Variants in HNF1B observed in about 807,000 individuals in gnomAD.
HNF1B encodes hepatocyte nuclear factor 1-beta.
In HNF1B, 8 loss-of-function variants were observed where a neutral mutation model predicts 61.7. That is an observed-to-expected ratio of 0.13 (90% confidence interval 0.08 to 0.23). HNF1B has a LOEUF of 0.23. Among genes scored for constraint, HNF1B ranks in the 10% least tolerant of loss-of-function variants. HNF1B has a pLI of 1.00. For missense variants in HNF1B, 562 were observed against 714.5 expected, an observed-to-expected ratio of 0.79 and a Z score of 2.43; for synonymous variants, 314 against 287.7, an observed-to-expected ratio of 1.09 and a Z score of -0.93.
At chr17:37,740,172 T>C (rs1041286818) in intron 1 of HNF1B, among the ~76,000 whole-genome samples, 1 of 152,122 alleles carries the variant, frequency 6.6e-6, no homozygotes, top group African/African-American at 2.4e-5. Context: ...TTTCACCATG[T>C]TGGCCAGGCT....
intron 4 of HNF1B, among the ~76,000 whole-genome samples, chr17:37,711,263 G>A (rs1020630796): frequency 6.6e-6 from 1 of 152,226 alleles, no homozygotes; most frequent in African/African-American, 2.4e-5. Context: ...GCAGGACAGG[G>A]ATGAAGCTGC....
chr17:37,701,259 C>CA, intron 6 of HNF1B, 82 bp from the exon 7 acceptor site: 9 of 1,353,894 alleles, frequency 6.6e-6, no homozygotes, highest in Non-Finnish European at 9.2e-6. Context: ...AGCCCCCGCT[C>CA]AATGTCCCAG....
chr17:37,739,410 T>G (rs1468931277), intron 2 of HNF1B, 30 bp downstream of exon 2: 11 of 1,607,804 alleles, frequency 6.8e-6, no homozygotes, highest in Non-Finnish European at 8.5e-6. Context: ...TCACTTCAGG[T>G]TGAGGCAGAG....
chr17:37,697,424 G>A (rs192816910), intron 8 of HNF1B, among the ~76,000 whole-genome samples: 1 of 151,768 alleles, frequency 6.6e-6, no homozygotes, highest in African/African-American at 2.4e-5. Context: ...AGAAGCCAGT[G>A]GGGGGCTGGT....
In HNF1B at chr17:37,739,465, G is replaced by A. The variant is rs1308630842; in HGVS notation, c.519C>T (p.Val173=). Residue 173 remains valine (V), a synonymous_variant, in exon 2 of 9, where the codon GTC becomes GTT. Coordinates refer to ENST00000617811, the MANE Select transcript of HNF1B (RefSeq NM_000458.4). ...GTCGGAGGATCTCTCGTTGCTTTCT[G>A]ACGTACCAGGTGTACAGAGCGGCAC... ...QKRAALYTWY[V]RKQREILRQF... The A allele has an allele frequency of 1.2e-6, 2 of 1,614,170 alleles. No homozygotes were observed. The highest frequency in any genetic ancestry group is 1.7e-5 in the Admixed American group (1 of 60,032).
intron 1 of HNF1B, among the ~76,000 whole-genome samples, chr17:37,743,999 G>A (rs1007050459): frequency 1.3e-5 from 2 of 152,258 alleles, no homozygotes; most frequent in African/African-American, 2.4e-5. Context: ...CGGCTAACAA[G>A]AGTGCCCACC....
At chr17:37,687,829 C>T (rs368368323) in intron 8 of HNF1B, among the ~76,000 whole-genome samples, 6 of 152,258 alleles carry the variant, frequency 3.9e-5, no homozygotes, top group East Asian at 1.9e-4. Flanking sequence ...CGAACTTTAA[C>T]GGACCCACAA....
intron 4 of HNF1B, among the ~76,000 whole-genome samples, chr17:37,722,057 T>C (rs2033336779): frequency 6.6e-6 from 1 of 152,198 alleles, no homozygotes; most frequent in Non-Finnish European, 1.5e-5. Flanking sequence ...CCATGTCTAT[T>C]TTTAATGAGC....
chr17:37,743,855 G>C (rs1239494304), intron 1 of HNF1B, among the ~76,000 whole-genome samples: 1 of 152,224 alleles, frequency 6.6e-6, no homozygotes, highest in Non-Finnish European at 1.5e-5. Context: ...GGTCTGAGAC[G>C]CGTTCGCCCC....
intron 4 of HNF1B, among the ~76,000 whole-genome samples, chr17:37,716,221 A>G (rs115069897): frequency 0.012 from 1,772 of 152,266 alleles, 31 homozygotes; most frequent in African/African-American, 0.041. Flanking sequence ...TTTCAGAGAC[A>G]GAGTCTCATT....
intron 1 of HNF1B, 42 bp from the exon 2 acceptor site, chr17:37,739,681 T>G (rs1372048035): frequency 5.3e-6 from 8 of 1,503,082 alleles, no homozygotes; most frequent in Non-Finnish European, 7.3e-6. Context: ...GTGGGAGACA[T>G]CTGGGGAGAA....
At chr17:37,721,069 G>T in intron 4 of HNF1B, 4 of 458,252 alleles carry the variant, frequency 8.7e-6, no homozygotes, top group Non-Finnish European at 1.1e-5. Context: ...TGCCAACCCA[G>T]TCCAATGGGT....
At chr17:37,724,908 G>A (rs3049482) in intron 4 of HNF1B, among the ~76,000 whole-genome samples, 35 of 27,462 alleles carry the variant, frequency 1.3e-3, no homozygotes, top group African/African-American at 5.7e-3. Context: ...GTATGCGTGT[G>A]TGTGTGTGTG....
At chr17:37,693,275 AG>A (rs973729538) in intron 8 of HNF1B, among the ~76,000 whole-genome samples, 4 of 150,382 alleles carry the variant, frequency 2.7e-5, no homozygotes, top group African/African-American at 9.8e-5. Flanking sequence ...GAAAACAGGG[AG>A]GGGGCTACCA....
At chr17:37,696,414 G>A (rs1466931383) in intron 8 of HNF1B, among the ~76,000 whole-genome samples, 1 of 152,090 alleles carries the variant, frequency 6.6e-6, no homozygotes, top group African/African-American at 2.4e-5. Flanking sequence ...TCCAGCCTGG[G>A]TGACAGAACG....
intron 4 of HNF1B, among the ~76,000 whole-genome samples, chr17:37,721,235 T>A (rs1037850704): frequency 6.6e-6 from 1 of 152,166 alleles, no homozygotes; most frequent in African/African-American, 2.4e-5. Context: ...CCCCACCCAA[T>A]CTGCTGGTGT....
intron 5 of HNF1B, among the ~76,000 whole-genome samples, chr17:37,705,393 C>G (rs2032711333): frequency 6.6e-6 from 1 of 152,194 alleles, no homozygotes. Context: ...GTAAAACAGA[C>G]AGTGATCCCT....
intron 1 of HNF1B, among the ~76,000 whole-genome samples, chr17:37,741,305 A>C (rs1000091664): frequency 4.6e-5 from 7 of 152,342 alleles, no homozygotes; most frequent in African/African-American, 1.7e-4. Flanking sequence ...TTTTATTAAG[A>C]CTTTGATATT....
intron 2 of HNF1B, among the ~76,000 whole-genome samples, chr17:37,735,605 G>A (rs1363903768): frequency 3.9e-5 from 6 of 152,172 alleles, no homozygotes; most frequent in African/African-American, 1.4e-4. Flanking sequence ...ACTGCTAGTG[G>A]GATCATGTGG....
Sources: allele counts gnomAD v4.1 joint callset (sites outside exome capture counted in the v4.1 genomes callset), GRCh38; gene constraint gnomAD v4.1.1; transcripts MANE v1.5; gene names NCBI Gene and HGNC (gene_info 2026-07-23, HGNC 2026-07-21).